The following KRABD3 variants were observed in gnomAD, a reference collection of about 807,000 sequenced individuals.
The protein encoded by KRABD3 is KRAB domain-containing protein 3.
the KRABD3 span, among the ~76,000 whole-genome samples, chr7:149,727,055 C>G: frequency 1.3e-5 from 2 of 152,218 alleles, no homozygotes; most frequent in Non-Finnish European, 2.9e-5. Flanking sequence ...GCTTGGTGAC[C>G]TGTGCCTCCC....
At chr7:149,725,948 C>G in the KRABD3 span, 1 of 1,602,244 alleles carries the variant, frequency 6.2e-7, no homozygotes, top group South Asian at 1.1e-5. Context: ...ATGGCCCCAG[C>G]AGGCCCCTGG....
At chr7:149,728,527 C>T in the KRABD3 span, 3 of 1,612,978 alleles carry the variant, frequency 1.9e-6, no homozygotes, top group African/African-American at 1.3e-5. Flanking sequence ...TCACAGGAAG[C>T]CCACCAGGAA....
At chr7:149,725,209 A>T in the KRABD3 span, 2 of 1,133,730 alleles carry the variant, frequency 1.8e-6, no homozygotes, top group African/African-American at 1.6e-5. Flanking sequence ...CTGGTACAGG[A>T]CTCGTCACCC....
chr7:149,721,077 G>T, the KRABD3 span: 1 of 1,495,940 alleles, frequency 6.7e-7, no homozygotes. Context: ...CTGCATGTGG[G>T]CTTGCAGGCA....
the KRABD3 span, chr7:149,731,848 T>C: frequency 8.9e-7 from 1 of 1,123,180 alleles, no homozygotes; most frequent in East Asian, 2.6e-5. Flanking sequence ...GAAAACAGCC[T>C]TCCAGGGTCA....
At chr7:149,719,412 T>G in the KRABD3 span, 1 of 892,062 alleles carries the variant, frequency 1.1e-6, no homozygotes, top group Non-Finnish European at 1.6e-6. This position sits in a 1 kb window ranked among gnomAD's most constrained non-coding sequence, Gnocchi z 5.6. Context: ...TTGAGGGGAT[T>G]CCTGCATGTC....
chr7:149,728,132 G>T, the KRABD3 span, among the ~76,000 whole-genome samples: 1 of 152,250 alleles, frequency 6.6e-6, no homozygotes, highest in Non-Finnish European at 1.5e-5. Context: ...AGAGGCCAGG[G>T]GGCCTGTGTT....
the KRABD3 span, among the ~76,000 whole-genome samples, chr7:149,732,626 C>A: frequency 0.1 from 11,974 of 117,700 alleles, 1,588 homozygotes; most frequent in African/African-American, 0.35. The surrounding 1 kb of genome is among the most constrained non-coding windows in gnomAD (Gnocchi z 4.0). Flanking sequence ...TTAAAAAAAA[C>A]AAAAAGCTTA....
chr7:149,721,593 C>T, the KRABD3 span: 4 of 1,561,190 alleles, frequency 2.6e-6, no homozygotes, highest in Non-Finnish European at 3.5e-6. Context: ...CTGATCGTGG[C>T]GTCAGAGGAC....
At chr7:149,719,860 C>A in the KRABD3 span, 1 of 1,198,992 alleles carries the variant, frequency 8.3e-7, no homozygotes, top group Non-Finnish European at 1.1e-6. The surrounding 1 kb of genome is among the most constrained non-coding windows in gnomAD (Gnocchi z 5.6). Flanking sequence ...ATGCGGCGGC[C>A]TCTGAGGTTC....
At chr7:149,731,833 T>C in the KRABD3 span, 4 of 1,382,090 alleles carry the variant, frequency 2.9e-6, no homozygotes, top group Admixed American at 2.0e-5. Context: ...GAGCCCCAGC[T>C]TGGGGAAAAC....
chr7:149,733,654 G>T, the KRABD3 span: 1 of 1,588,908 alleles, frequency 6.3e-7, no homozygotes, highest in Admixed American at 1.8e-5. Context: ...CTGGTGACCT[G>T]CAAGGACTCT....
chr7:149,715,718 G>A, the KRABD3 span, among the ~76,000 whole-genome samples: 1 of 152,320 alleles, frequency 6.6e-6, no homozygotes, highest in East Asian at 1.9e-4. Context: ...TGGATGGGGG[G>A]CAGCGTGTGA....
the KRABD3 span, chr7:149,728,619 C>T: frequency 6.2e-7 from 1 of 1,613,702 alleles, no homozygotes; most frequent in Non-Finnish European, 8.5e-7. Context: ...TGCTCCTCAG[C>T]AGCAGACAGG....
chr7:149,714,978 C>A, the KRABD3 span: 45 of 1,176,562 alleles, frequency 3.8e-5, no homozygotes, highest in Admixed American at 1.8e-3. Context: ...CCTGGGCCGC[C>A]GCCGACGAGG....
chr7:149,716,400 A>T, the KRABD3 span, among the ~76,000 whole-genome samples: 1 of 152,204 alleles, frequency 6.6e-6, no homozygotes, highest in African/African-American at 2.4e-5. Flanking sequence ...GTGGGGCCCG[A>T]GGAGGAAGGC....
chr7:149,723,982 C>G, the KRABD3 span: 3 of 1,380,898 alleles, frequency 2.2e-6, no homozygotes, highest in East Asian at 2.3e-5. Context: ...CACAAACACT[C>G]AGGCCCCCAT....
the KRABD3 span, among the ~76,000 whole-genome samples, chr7:149,727,971 G>A: frequency 1.2e-4 from 18 of 152,374 alleles, no homozygotes; most frequent in Non-Finnish European, 1.5e-4. Flanking sequence ...TGGCAGCACT[G>A]TCTGCTTTAT....
chr7:149,724,018 G>C, the KRABD3 span: 1 of 944,228 alleles, frequency 1.1e-6, no homozygotes, highest in Non-Finnish European at 1.6e-6. Context: ...AGAGGATCCG[G>C]ATGCGGGGGA....
Sources: gnomAD v4.1 joint callset for allele counts (sites outside exome capture counted in the v4.1 genomes callset) on GRCh38, gnomAD v4.1.1 for gene constraint, Gnocchi (gnomAD v3.1) non-coding constraint, MANE v1.5 for transcripts, NCBI Gene and HGNC (gene_info 2026-07-23, HGNC 2026-07-21) for gene names.